The following GYS2 variants were observed in gnomAD, a reference collection of about 807,000 sequenced individuals.
GYS2 encodes the protein glycogen synthase 2.
In GYS2, 80 loss-of-function variants were observed where a neutral mutation model predicts 85.6. The observed-to-expected ratio is 0.93, with a 90% confidence interval of 0.78 to 1.13. GYS2 has a LOEUF of 1.13. GYS2 is among the 50% of genes most tolerant of loss of function. The pLI, the probability that GYS2 is intolerant of heterozygous loss-of-function variation, is 0.00. For missense variants in GYS2, 881 were observed against 854.9 expected (o/e 1.03, Z -0.38); for synonymous variants, 328 against 300.7 (o/e 1.09, Z -0.94).
chr12:21,559,046 A>C, intron 10 of GYS2, 45 bp downstream of exon 10: 1 of 1,094,438 alleles, frequency 9.1e-7, no homozygotes, highest in Non-Finnish European at 1.4e-6. Context: ...GATTAGATAG[A>C]ATTTAATAAC....
At chr12:21,586,222 T>C (rs902710750) in intron 1 of GYS2, among the ~76,000 whole-genome samples, 1 of 152,108 alleles carries the variant, frequency 6.6e-6, no homozygotes, top group Non-Finnish European at 1.5e-5. Flanking sequence ...GTGAAAATCC[T>C]GGACTGGCTT....
chr12:21,580,313 A>C (rs775263601), intron 2 of GYS2, 29 bp downstream of exon 2: 1 of 1,589,212 alleles, frequency 6.3e-7, no homozygotes, highest in Non-Finnish European at 8.6e-7. Flanking sequence ...TTTACTGAGA[A>C]TTGCCAAGTG....
At chr12:21,601,362 C>T (rs1322662486) in intron 1 of GYS2, among the ~76,000 whole-genome samples, 2 of 152,068 alleles carry the variant, frequency 1.3e-5, no homozygotes, top group African/African-American at 2.4e-5. Context: ...ATTGTTCATA[C>T]CCTGGAGACA....
Position 21,536,389 on chromosome 12 carries a change from A to C in GYS2, c.*565T>G, listed in dbSNP as rs899296261. On this transcript the variant is annotated 3_prime_UTR_variant, in exon 16 of 16. Coordinates refer to ENST00000261195, the MANE Select transcript of GYS2 (RefSeq NM_021957.4). ...TTCAAAAGTGACATAAATGTCCATT[A>C]ATATGCATCAAAATATGGACTTAGG... is the stretch of plus-strand genomic sequence containing the variant. 1.3e-5 allele frequency: 2 copies of C among 156,988 alleles called. No homozygotes were observed. Among genetic ancestry groups the C allele is most frequent in the Non-Finnish European group, 2.8e-5 (2 of 71,170 alleles). 9.7% of individuals were successfully genotyped at this position (156,988 alleles called of 1,614,324 possible). A position where few individuals can be genotyped will look rare whatever the true frequency, so the allele number is the denominator to read the frequency against.
chr12:21,541,715 T>C (rs535516160), intron 13 of GYS2, among the ~76,000 whole-genome samples: 2 of 152,160 alleles, frequency 1.3e-5, no homozygotes, highest in African/African-American at 4.8e-5. Context: ...TCTCCACTTT[T>C]AGTTTAGGTT....
At position 21,592,161 on chromosome 12, in the gene GYS2, AAGAG is replaced by A. The variant is rs537516474; in HGVS notation, c.122-11642_122-11639del. Among the ~76,000 whole-genome samples, 27 of 150,548 alleles carry A rather than the reference AAGAG, an allele frequency of 1.8e-4. 1 individual carries two copies. The highest frequency in any genetic ancestry group is 3.6e-4 in the African/African-American group (15 of 41,188). ...ATAATAAGAAAGAAAGAAAGAAAGA[AAGAG>A]AGAGAGAGAGAGAATGAAAGAAAGA... On this transcript the variant is annotated intron_variant, in intron 1 of 15. Coordinates refer to ENST00000261195, the MANE Select transcript of GYS2 (RefSeq NM_021957.4).
intron 4 of GYS2, among the ~76,000 whole-genome samples, chr12:21,572,404 T>G (rs940284558): frequency 6.6e-6 from 1 of 152,232 alleles, no homozygotes; most frequent in Non-Finnish European, 1.5e-5. Flanking sequence ...GATTAAACTA[T>G]GACTTCTTCC....
intron 1 of GYS2, among the ~76,000 whole-genome samples, chr12:21,598,301 T>A (rs1217400522): frequency 6.6e-6 from 1 of 152,088 alleles, no homozygotes; most frequent in Non-Finnish European, 1.5e-5. Flanking sequence ...TAACAAAATG[T>A]CACATGTACC....
intron 5 of GYS2, among the ~76,000 whole-genome samples, chr12:21,566,423 T>C (rs1305465433): frequency 6.6e-6 from 1 of 152,092 alleles, no homozygotes; most frequent in African/African-American, 2.4e-5. Context: ...ATTGACCTTC[T>C]TGAGCCACAA....
At chr12:21,582,713 A>AG (rs1944526959) in intron 1 of GYS2, among the ~76,000 whole-genome samples, 1 of 152,164 alleles carries the variant, frequency 6.6e-6, no homozygotes, top group South Asian at 2.1e-4. Flanking sequence ...CTAGAGGAAC[A>AG]GAATATTAAG....
intron 11 of GYS2, among the ~76,000 whole-genome samples, chr12:21,557,671 A>G (rs10770828): frequency 0.72 from 110,107 of 152,048 alleles, 40,417 homozygotes; most frequent in South Asian, 0.79. Flanking sequence ...AGGCCGAGGC[A>G]GGTGGATCAC....
At chr12:21,602,632 T>G (rs970952962) in intron 1 of GYS2, among the ~76,000 whole-genome samples, 11 of 151,738 alleles carry the variant, frequency 7.2e-5, no homozygotes, top group African/African-American at 2.2e-4. Flanking sequence ...CCCTTCCCCT[T>G]GAAAGGGAAA....
At chr12:21,548,814 C>A (rs1372809629) in intron 11 of GYS2, among the ~76,000 whole-genome samples, 1 of 151,958 alleles carries the variant, frequency 6.6e-6, no homozygotes, top group Non-Finnish European at 1.5e-5. Context: ...CTATTTTTCC[C>A]AGCGCTTTTT....
At chr12:21,566,785 C>T (rs1314705428) in intron 5 of GYS2, among the ~76,000 whole-genome samples, 4 of 152,056 alleles carry the variant, frequency 2.6e-5, no homozygotes, top group Admixed American at 2.0e-4. Context: ...CAGCTAGTAA[C>T]GTATACTCAA....
At chr12:21,570,467 C>T (rs559160564) in intron 4 of GYS2, among the ~76,000 whole-genome samples, 42 of 152,332 alleles carry the variant, frequency 2.8e-4, no homozygotes, top group African/African-American at 6.3e-4. Context: ...ACGCAGTAAG[C>T]GTAGTCAGTA....
chr12:21,603,769 G>A (rs1428518417), intron 1 of GYS2, among the ~76,000 whole-genome samples: 1 of 151,986 alleles, frequency 6.6e-6, no homozygotes, highest in African/African-American at 2.4e-5. Context: ...ACAAGGAATT[G>A]TTTTATAATT....
chr12:21,551,117 G>A (rs980019033), intron 11 of GYS2, among the ~76,000 whole-genome samples: 31 of 149,818 alleles, frequency 2.1e-4, no homozygotes, highest in African/African-American at 7.1e-4. Flanking sequence ...CCACTAACTC[G>A]TTATCTAGCA....
chr12:21,546,613 G>GA, intron 11 of GYS2, 143 bp from the exon 12 acceptor site: 20 of 598,880 alleles, frequency 3.3e-5, no homozygotes, highest in Non-Finnish European at 5.2e-5. Flanking sequence ...TAAGACAAAA[G>GA]AAAAAGAAAA....
At chr12:21,533,159 AGT>A (rs1943881046), downstream of GYS2, among the ~76,000 whole-genome samples, 1 of 152,198 alleles carries the variant, frequency 6.6e-6, no homozygotes, top group Non-Finnish European at 1.5e-5. Context: ...CTTTCTGCAC[AGT>A]TCTCATTGCC....
Sources: allele counts gnomAD v4.1 joint callset (sites outside exome capture counted in the v4.1 genomes callset), GRCh38; gene constraint gnomAD v4.1.1; transcripts MANE v1.5; gene names NCBI Gene and HGNC (gene_info 2026-07-23, HGNC 2026-07-21).